The following LRRC52 variants were observed in gnomAD, a reference collection of about 807,000 sequenced individuals.
LRRC52 encodes the protein leucine rich repeat containing 52, also known as leucine-rich repeat-containing protein 52.
LRRC52 carries 15 observed loss-of-function variants against 14.7 expected under a neutral mutation model. The ratio of observed to expected loss-of-function variants is 1.02; its 90% CI spans 0.68 to 1.58. The LOEUF is 1.58. Ranked by LOEUF, LRRC52 falls within the 40% of genes most tolerant of loss-of-function variation. The pLI is 0.00. For synonymous variants in LRRC52, 180 were observed against 163.9 expected, an observed-to-expected ratio of 1.10 and a Z score of -0.75; for missense variants, 400 against 387.7, an observed-to-expected ratio of 1.03 and a Z score of -0.27.
rs1571115564 is a variant in LRRC52, at chr1:165,563,734, T to C, written c.852T>C (p.Asp284=). The C allele has an allele frequency of 1.2e-6, 2 of 1,614,196 alleles. No individual in the cohort carries two copies. The highest frequency in any genetic ancestry group is 8.5e-7 in the Non-Finnish European group (1 of 1,180,036). ...CCCGCCACAAGTCGAGTGAAGAAGA[T>C]GAGGACGAGGCCGGGACTAGGGTGG... The part of the protein sequence containing the change: ...QNTRHKSSEE[D]EDEAGTRVEV... The change falls in exon 2 of 2, where the codon GAT becomes GAC. Residue 284 remains aspartate (D), a synonymous_variant. Coordinates refer to ENST00000294818, the MANE Select transcript of LRRC52 (RefSeq NM_001005214.4).
intron 1 of LRRC52, among the ~76,000 whole-genome samples, chr1:165,549,419 C>G (rs1422374565): frequency 6.6e-6 from 1 of 152,192 alleles, no homozygotes; most frequent in Non-Finnish European, 1.5e-5. Context: ...CAATGTGTCC[C>G]TATCCACTTC....
intron 1 of LRRC52, 63 bp downstream of exon 1, chr1:165,544,981 T>C: frequency 6.3e-7 from 1 of 1,579,560 alleles, no homozygotes; most frequent in Non-Finnish European, 8.6e-7. Context: ...AAAGGTGAAC[T>C]CAAAAGATGG....
At chr1:165,550,112 C>T (rs190820237) in intron 1 of LRRC52, among the ~76,000 whole-genome samples, 80 of 152,296 alleles carry the variant, frequency 5.3e-4, no homozygotes, top group African/African-American at 1.8e-3. Context: ...GGACTAATTC[C>T]TGGCCAGCAC....
intron 1 of LRRC52, among the ~76,000 whole-genome samples, chr1:165,547,875 C>A (rs1267392046): frequency 6.6e-6 from 1 of 152,158 alleles, no homozygotes; most frequent in Non-Finnish European, 1.5e-5. Context: ...TGCCTTCTAG[C>A]CAAACCTCAA....
chr1:165,557,317 C>T (rs1458636755), intron 1 of LRRC52, among the ~76,000 whole-genome samples: 1 of 152,070 alleles, frequency 6.6e-6, no homozygotes, highest in Non-Finnish European at 1.5e-5. Context: ...CTCACTGAAC[C>T]CTCCCCAGAC....
intron 1 of LRRC52, among the ~76,000 whole-genome samples, chr1:165,547,819 C>T (rs1421149535): frequency 6.6e-6 from 1 of 152,182 alleles, no homozygotes; most frequent in Non-Finnish European, 1.5e-5. Context: ...CATGCATACC[C>T]ATAAAGTTGA....
In LRRC52 at chr1:165,563,670, C is replaced by A; in HGVS notation, c.788C>A (p.Ala263Asp). ...ATCTTCGCCGCGGGAACTGTGGCTG[C>A]CTGGCTCACAGGTGTGTGTGCTGTG... ...FCIFAAGTVA[A>D]WLTGVCAVLY... Residue 263 changes from alanine to aspartate, a missense_variant, in exon 2 of 2, where the codon GCC becomes GAC. Coordinates refer to ENST00000294818, the MANE Select transcript of LRRC52 (RefSeq NM_001005214.4). 1 of 1,614,184 alleles carries A rather than the reference C, an allele frequency of 6.2e-7. No individual in the cohort carries two copies. The highest frequency in any genetic ancestry group is 8.5e-7 in the Non-Finnish European group (1 of 1,180,038).
chr1:165,559,374 A>G (rs2101832881), intron 1 of LRRC52, among the ~76,000 whole-genome samples: 1 of 152,238 alleles, frequency 6.6e-6, no homozygotes, highest in East Asian at 1.9e-4. Flanking sequence ...GGGCAACAAG[A>G]GTGAAACTCT....
At chr1:165,549,748 C>A (rs888280332) in intron 1 of LRRC52, among the ~76,000 whole-genome samples, 1 of 152,168 alleles carries the variant, frequency 6.6e-6, no homozygotes, top group African/African-American at 2.4e-5. Context: ...TTGCTAAGGA[C>A]CTCCCCCATA....
intron 1 of LRRC52, among the ~76,000 whole-genome samples, chr1:165,553,671 G>A (rs1437639897): frequency 6.6e-6 from 1 of 152,182 alleles, no homozygotes. Context: ...GGACAGAAAT[G>A]GATGGATGAT....
At chr1:165,549,341 A>C (rs1196546131) in intron 1 of LRRC52, among the ~76,000 whole-genome samples, 1 of 152,196 alleles carries the variant, frequency 6.6e-6, no homozygotes, top group African/African-American at 2.4e-5. Context: ...ATGTGTAGGC[A>C]ACTTTCTCTA....
At chr1:165,546,445 T>C (rs986830820) in intron 1 of LRRC52, among the ~76,000 whole-genome samples, 3 of 152,354 alleles carry the variant, frequency 2.0e-5, no homozygotes, top group Non-Finnish European at 4.4e-5. Flanking sequence ...TAATGTTTTC[T>C]ACTTTTCTCC....
Position 165,544,208 on chromosome 1 carries a change from T to TCCCCCCC in LRRC52, c.-84_-83insCCCCCCC. The stretch of plus-strand genomic sequence containing the variant: ...GTGTTACAGTTCTTTCCAGAGCCCC[T>TCCCCCCC]CCCCCGCCCCACCCCCCCACCGGCA... On this transcript the variant is annotated 5_prime_UTR_variant, in exon 1 of 2. Transcript: ENST00000294818. 11 of 448,096 alleles carry TCCCCCCC rather than the reference T, an allele frequency of 2.5e-5. No homozygotes were observed. Among genetic ancestry groups the TCCCCCCC allele is most frequent in the Non-Finnish European group, 3.0e-5 (7 of 235,722 alleles). 27.8% of individuals were successfully genotyped at this position (448,096 alleles called of 1,614,324 possible).
At chr1:165,559,402 T>C (rs772822941) in intron 1 of LRRC52, among the ~76,000 whole-genome samples, 12 of 151,396 alleles carry the variant, frequency 7.9e-5, no homozygotes, top group East Asian at 5.8e-4. Context: ...AAAAAAAAAA[T>C]TGTGAAGCAA....
At position 165,562,485 on chromosome 1, in the gene LRRC52, G is replaced by A. The variant is rs552270744; in HGVS notation, c.623-1020G>A. On this transcript the variant is annotated intron_variant, in intron 1 of 1. Transcript: ENST00000294818. ...GCAGTGATAGGGCTCCGAGGATTCC[G>A]TGCTTGAGGCACAATCACCTGTGCC... Among the ~76,000 whole-genome samples, 15 of 152,224 alleles carry A rather than the reference G, an allele frequency of 9.9e-5. No homozygotes were observed. In the South Asian group the frequency reaches 2.9e-3, roughly 30 times the overall value.
In LRRC52 at chr1:165,544,208, T is replaced by TCCCCCCCCCCCCCCCC; in HGVS notation, c.-84_-83insCCCCCCCCCCCCCCCC. 4.5e-6 allele frequency: 2 copies of TCCCCCCCCCCCCCCCC among 448,100 alleles called. No individual in the cohort carries two copies. Among genetic ancestry groups the TCCCCCCCCCCCCCCCC allele is most frequent in the Non-Finnish European group, 8.5e-6 (2 of 235,722 alleles). 27.8% of individuals were successfully genotyped at this position (448,100 alleles called of 1,614,324 possible). A position where few individuals can be genotyped will look rare whatever the true frequency, so the allele number is the denominator to read the frequency against. On this transcript the variant is annotated 5_prime_UTR_variant, in exon 1 of 2. Transcript: ENST00000294818. ...GTGTTACAGTTCTTTCCAGAGCCCC[T>TCCCCCCCCCCCCCCCC]CCCCCGCCCCACCCCCCCACCGGCA... is the stretch of plus-strand genomic sequence containing the variant.
chr1:165,548,997 A>G (rs571619528), intron 1 of LRRC52, among the ~76,000 whole-genome samples: 1 of 152,328 alleles, frequency 6.6e-6, no homozygotes, highest in African/African-American at 2.4e-5. Context: ...GGGAATATAG[A>G]TAGAATGTGG....
At chr1:165,553,221 G>A (rs2101828295) in intron 1 of LRRC52, among the ~76,000 whole-genome samples, 1 of 152,318 alleles carries the variant, frequency 6.6e-6, no homozygotes, top group Non-Finnish European at 1.5e-5. Flanking sequence ...GTAAGAAAGA[G>A]CAACTCATGT....
chr1:165,557,497 G>T (rs765620016), intron 1 of LRRC52, among the ~76,000 whole-genome samples: 1 of 152,172 alleles, frequency 6.6e-6, no homozygotes, highest in African/African-American at 2.4e-5. Context: ...CAACAAATAC[G>T]CCCTGTGCTC....
Sources: allele counts gnomAD v4.1 joint callset (sites outside exome capture counted in the v4.1 genomes callset), GRCh38; gene constraint gnomAD v4.1.1; transcripts MANE v1.5; gene names NCBI Gene and HGNC (gene_info 2026-07-23, HGNC 2026-07-21).